DLG1: variants seen among roughly 807,000 people sequenced by gnomAD.
DLG1 encodes disks large homolog 1.
Under a neutral mutation model 123.4 loss-of-function variants are expected in DLG1, and 42 were observed. The ratio of observed to expected loss-of-function variants is 0.34; its 90% CI spans 0.27 to 0.44. DLG1 has a LOEUF of 0.44. Ranked by LOEUF, DLG1 falls within the 20% of genes least tolerant of loss-of-function variation. The pLI, the probability that DLG1 is intolerant of heterozygous loss-of-function variation, is 1.00. For missense variants in DLG1, 942 were observed against 1,082.6 expected, an observed-to-expected ratio of 0.87 and a Z score of 1.82; for synonymous variants, 317 against 356.2, an observed-to-expected ratio of 0.89 and a Z score of 1.24.
At chr3:197,079,537 C>T (rs905388458) in intron 17 of DLG1, among the ~76,000 whole-genome samples, 7 of 152,154 alleles carry the variant, frequency 4.6e-5, no homozygotes, top group Non-Finnish European at 8.8e-5. Context: ...GATTTAAACA[C>T]GTCGTTAATT....
intron 17 of DLG1, among the ~76,000 whole-genome samples, chr3:197,077,419 A>C (rs1560501887): frequency 6.6e-6 from 1 of 152,078 alleles, no homozygotes; most frequent in Non-Finnish European, 1.5e-5. Context: ...ACCAACGTGA[A>C]TGCTTCAGTA....
chr3:197,153,357 A>G (rs1794875228), intron 5 of DLG1, among the ~76,000 whole-genome samples: 1 of 152,192 alleles, frequency 6.6e-6, no homozygotes, highest in Admixed American at 6.5e-5. Flanking sequence ...AGTCTACTGA[A>G]GGCTGGCAAC....
chr3:197,124,556 G>C lies in DLG1; in HGVS notation c.1166-5026C>G, dbSNP rs1348539607. On this transcript the variant is annotated intron_variant, in intron 11 of 24. Coordinates refer to ENST00000667157, the MANE Select transcript of DLG1 (RefSeq NM_001366207.1). Reference sequence around the variant, plus strand: ...CACAAAGTGCTGGGATTACAGGCGTGAGCCACCGTGCCTGGTCTCTTTTTT... The same window carrying C: ...CACAAAGTGCTGGGATTACAGGCGTCAGCCACCGTGCCTGGTCTCTTTTTT... Among the ~76,000 whole-genome samples, 3 of 151,946 alleles carry C rather than the reference G, an allele frequency of 2.0e-5. No homozygotes were observed. In the East Asian group the frequency reaches 5.8e-4, roughly 29 times the overall value.
At chr3:197,274,609 G>A (rs189996165) in intron 4 of DLG1, among the ~76,000 whole-genome samples, 5 of 152,214 alleles carry the variant, frequency 3.3e-5, no homozygotes, top group South Asian at 2.1e-4. Flanking sequence ...GGCAACAAAA[G>A]CAAAAATAGG....
At chr3:197,083,462 G>C (rs1449541831) in intron 16 of DLG1, among the ~76,000 whole-genome samples, 1 of 152,110 alleles carries the variant, frequency 6.6e-6, no homozygotes, top group Admixed American at 6.6e-5. Flanking sequence ...ACAATGATTT[G>C]GATGAAGCAG....
chr3:197,252,844 G>C (rs1204206171), intron 4 of DLG1, among the ~76,000 whole-genome samples: 1 of 152,120 alleles, frequency 6.6e-6, no homozygotes, highest in East Asian at 1.9e-4. Context: ...ACTTTAAAAT[G>C]GTTAGAATAA....
intron 17 of DLG1, among the ~76,000 whole-genome samples, chr3:197,078,842 T>C (rs911091679): frequency 6.6e-6 from 1 of 152,206 alleles, no homozygotes; most frequent in African/African-American, 2.4e-5. Flanking sequence ...TCATCCCTCT[T>C]ACTGCATCTA....
intron 5 of DLG1, among the ~76,000 whole-genome samples, chr3:197,166,248 A>G (rs1010364796): frequency 1.3e-5 from 2 of 152,194 alleles, no homozygotes; most frequent in African/African-American, 4.8e-5. Context: ...CAACTAGGGC[A>G]GCAATGATGA....
intron 5 of DLG1, among the ~76,000 whole-genome samples, chr3:197,189,368 GA>G (rs1422444626): frequency 6.6e-6 from 1 of 151,944 alleles, no homozygotes; most frequent in Admixed American, 6.6e-5. Flanking sequence ...TATTACACAG[GA>G]AATATACAAG....
chr3:197,054,935 C>T (rs1255043684), intron 23 of DLG1, among the ~76,000 whole-genome samples: 1 of 152,104 alleles, frequency 6.6e-6, no homozygotes, highest in Admixed American at 6.6e-5. Flanking sequence ...CGTGCCTCAG[C>T]CTCCCAAGTA....
intron 15 of DLG1, among the ~76,000 whole-genome samples, chr3:197,088,383 T>A (rs770586746): frequency 8.6e-5 from 13 of 151,874 alleles, no homozygotes; most frequent in African/African-American, 1.2e-4. Context: ...TCCTGCAAAA[T>A]AAAACAGGGT....
At chr3:197,121,088 C>T (rs1292485393) in intron 11 of DLG1, among the ~76,000 whole-genome samples, 6 of 152,004 alleles carry the variant, frequency 3.9e-5, no homozygotes, top group Non-Finnish European at 8.8e-5. Flanking sequence ...AACAACTAGA[C>T]AAGAAATCCA....
intron 13 of DLG1, among the ~76,000 whole-genome samples, chr3:197,110,257 G>A (rs368554954): frequency 6.6e-6 from 1 of 151,960 alleles, no homozygotes; most frequent in East Asian, 1.9e-4. Flanking sequence ...TCTTTCTTCT[G>A]CCAGCTCAAA....
Position 197,130,676 on chromosome 3 carries a change from A to G in DLG1, c.1021-5T>C, listed in dbSNP as rs1782014325. The G allele has an allele frequency of 6.3e-7, 1 of 1,584,752 alleles. No homozygotes were observed. ...TTCTAAACATACGTTATTCACCTAA[A>G]AAAAGTCCCAAAAGACATTTATGAC... On this transcript the variant is annotated splice_polypyrimidine_tract_variant and splice_region_variant and intron_variant, in intron 10 of 24. Transcript: ENST00000667157.
intron 14 of DLG1, among the ~76,000 whole-genome samples, chr3:197,099,818 T>A (rs9825631): frequency 0.77 from 116,406 of 152,130 alleles, 44,720 homozygotes; most frequent in East Asian, 0.81. Context: ...TGGATACTAT[T>A]AATTGGCCTA....
intron 8 of DLG1, among the ~76,000 whole-genome samples, chr3:197,139,539 C>G (rs1469770942): frequency 1.3e-5 from 2 of 151,844 alleles, no homozygotes; most frequent in Admixed American, 6.6e-5. Flanking sequence ...AATTTATGAC[C>G]CTCAAAAAAT....
intron 14 of DLG1, among the ~76,000 whole-genome samples, chr3:197,097,239 A>G (rs539025848): frequency 6.6e-6 from 1 of 152,272 alleles, no homozygotes; most frequent in African/African-American, 2.4e-5. Flanking sequence ...TTCATATCTT[A>G]GTGTAGATTC....
intron 5 of DLG1, among the ~76,000 whole-genome samples, chr3:197,158,996 GATT>G (rs1797678543): frequency 6.6e-6 from 1 of 152,098 alleles, no homozygotes; most frequent in African/African-American, 2.4e-5. Context: ...GTATCACAGA[GATT>G]ATGTGTTTAC....
At chr3:197,238,587 T>C (rs773630762) in intron 4 of DLG1, among the ~76,000 whole-genome samples, 15 of 152,146 alleles carry the variant, frequency 9.9e-5, no homozygotes, top group Non-Finnish European at 1.8e-4. Flanking sequence ...TGAGACACCA[T>C]ACAGAATGTC....
Sources: gnomAD v4.1 joint callset for allele counts (sites outside exome capture counted in the v4.1 genomes callset) on GRCh38, gnomAD v4.1.1 for gene constraint, MANE v1.5 for transcripts, NCBI Gene and HGNC (gene_info 2026-07-23, HGNC 2026-07-21) for gene names.